Variants in EPB41 observed in about 807,000 individuals in gnomAD.
The protein encoded by EPB41 is erythrocyte membrane protein band 4.1.
EPB41 carries 65 observed loss-of-function variants against 108.0 expected under a neutral mutation model. The observed-to-expected ratio is 0.60, with a 90% CI of 0.49 to 0.74. EPB41 has a LOEUF of 0.74. Ranked by LOEUF, EPB41 falls within the 30% of genes least tolerant of loss-of-function variation. EPB41 has a pLI of 0.00. For synonymous variants in EPB41, 336 were observed against 358.9 expected (o/e 0.94, Z 0.72); for missense variants, 875 against 1,037.0 (o/e 0.84, Z 2.15).
At chr1:28,996,510 A>G (rs1017491483) in intron 3 of EPB41, among the ~76,000 whole-genome samples, 4 of 152,224 alleles carry the variant, frequency 2.6e-5, no homozygotes, top group African/African-American at 9.6e-5. Flanking sequence ...TGGACAGTTG[A>G]TTCAGTAATT....
At chr1:29,069,428 C>A in intron 16 of EPB41, 1 of 1,225,618 alleles carries the variant, frequency 8.2e-7, no homozygotes, top group Non-Finnish European at 1.0e-6. Flanking sequence ...AATGTATAAA[C>A]CTTCATGATG....
In EPB41 at chr1:28,899,920, T is replaced by C. The variant is rs915022383; in HGVS notation, c.-8+12710T>C. ...CAGCTGTGAGACCTCTAGCAAGTTG[T>C]TTTACCTAAGTGAGCTTCAGTTTTT... On this transcript the variant is annotated intron_variant, in intron 1 of 16. Coordinates refer to the EPB41 transcript ENST00000347529. Among the ~76,000 whole-genome samples the C allele has an allele frequency of 2.6e-5, 4 of 152,318 alleles. No individual in the cohort carries two copies. In the East Asian group the frequency reaches 7.7e-4, roughly 29 times the overall value.
intron 1 of EPB41, among the ~76,000 whole-genome samples, chr1:28,952,738 T>G (rs2094784439): frequency 1.3e-5 from 2 of 152,238 alleles, no homozygotes; most frequent in Admixed American, 1.3e-4. Context: ...AAGATAAGTA[T>G]TTCCAGACAA....
At position 29,118,032 on chromosome 1, in the gene EPB41, G is replaced by A. The variant is rs569716; in HGVS notation, c.*1220G>A. ...GGCTTGATTTTGTGGTGGGTTTGGG[G>A]CTTAGTTTTCCTTTTTTTCATTTTG... On this transcript the variant is annotated 3_prime_UTR_variant, in exon 21 of 21. Transcript: ENST00000343067. 16,722 of 152,280 alleles carry A rather than the reference G, an allele frequency of 0.11. 1,146 individuals carry two copies. Among genetic ancestry groups the A allele is most frequent in the African/African-American group, 0.2 (8,434 of 41,498 alleles). 9.4% of individuals were successfully genotyped at this position (152,280 alleles called of 1,614,324 possible). A position where few individuals can be genotyped will look rare whatever the true frequency, so the allele number is the denominator to read the frequency against.
intron 4 of EPB41, among the ~76,000 whole-genome samples, chr1:29,010,086 C>T (rs936841407): frequency 1.3e-4 from 20 of 152,120 alleles, no homozygotes; most frequent in Non-Finnish European, 2.9e-4. Flanking sequence ...CCTGTAATCT[C>T]AGCACTTTGG....
intron 16 of EPB41, among the ~76,000 whole-genome samples, chr1:29,067,515 AAAAAAG>A (rs1218625316): frequency 6.7e-6 from 1 of 148,464 alleles, no homozygotes; most frequent in Non-Finnish European, 1.5e-5. Flanking sequence ...AAAAAAAAAA[AAAAAAG>A]CCAGGCATGG....
At chr1:28,934,772 C>T (rs1240188952) in intron 1 of EPB41, among the ~76,000 whole-genome samples, 8 of 150,988 alleles carry the variant, frequency 5.3e-5, no homozygotes, top group Non-Finnish European at 1.2e-4. Flanking sequence ...ATTTCCTGCC[C>T]GGCTCCTAGA....
At position 28,931,718 on chromosome 1, in the gene EPB41, T is replaced by C. The variant is rs1158091316; in HGVS notation, c.-8+16950T>C. Among the ~76,000 whole-genome samples the C allele has an allele frequency of 2.6e-5, 4 of 151,398 alleles. No homozygotes were observed. In the East Asian group the frequency reaches 5.8e-4, roughly 22 times the overall value. On this transcript the variant is annotated intron_variant, in intron 1 of 20. Coordinates refer to ENST00000343067, the MANE Select transcript of EPB41 (RefSeq NM_001376013.1). ...TGATTTTTTTTTTTTGTATTGTTGGTAGAGACAGGGTTTCACTGTGTTAGC... is the reference window on the plus strand; with the variant it reads ...TGATTTTTTTTTTTTGTATTGTTGGCAGAGACAGGGTTTCACTGTGTTAGC...
In EPB41 at chr1:29,018,708, A is replaced by G. The variant is rs1420848557; in HGVS notation, c.1124+266A>G. Reference sequence around the variant, plus strand: ...ACAGTGGCTGGCTCAGTGCTCAGCAAATGGCAGCTATTATTATTTTTGTTT... The same window carrying G: ...ACAGTGGCTGGCTCAGTGCTCAGCAGATGGCAGCTATTATTATTTTTGTTT... On this transcript the variant is annotated intron_variant, in intron 7 of 20. Coordinates refer to ENST00000343067, the MANE Select transcript of EPB41 (RefSeq NM_001376013.1). This position sits in a 1 kb window ranked among gnomAD's most constrained non-coding sequence, Gnocchi z 4.4. Among the ~76,000 whole-genome samples the G allele has an allele frequency of 6.6e-6, 1 of 152,168 alleles. No individual in the cohort carries two copies. The highest frequency in any genetic ancestry group is 1.5e-5 in the Non-Finnish European group (1 of 68,040).
chr1:28,993,657 C>CA, intron 3 of EPB41, 115 bp downstream of exon 3: 1 of 553,414 alleles, frequency 1.8e-6, no homozygotes, highest in Non-Finnish European at 2.9e-6. Flanking sequence ...TTTCTTTTTT[C>CA]TTTTTTTTTT....
chr1:29,039,597 G>A (rs1175239032), intron 11 of EPB41, among the ~76,000 whole-genome samples, 171 bp downstream of exon 11: 1 of 152,166 alleles, frequency 6.6e-6, no homozygotes, highest in East Asian at 1.9e-4. Context: ...TGGATTGCCT[G>A]AGCTCAGGAG....
At chr1:28,997,707 CAT>C (rs1428768856) in intron 4 of EPB41, among the ~76,000 whole-genome samples, 7 of 151,578 alleles carry the variant, frequency 4.6e-5, no homozygotes, top group South Asian at 2.1e-4. Flanking sequence ...ATTATAATGA[CAT>C]ATCATAATTA....
At chr1:28,943,662 A>C (rs911371054) in intron 1 of EPB41, among the ~76,000 whole-genome samples, 2 of 152,012 alleles carry the variant, frequency 1.3e-5, no homozygotes, top group African/African-American at 2.4e-5. Context: ...AAAAAAAAAA[A>C]CAAAACAAAC....
upstream of EPB41, among the ~76,000 whole-genome samples, chr1:28,909,786 G>T (rs546144851): frequency 2.6e-5 from 4 of 151,676 alleles, no homozygotes; most frequent in Non-Finnish European, 5.9e-5. Flanking sequence ...GACAGAGTGA[G>T]ATCTTGTCTC....
chr1:29,014,964 A>G (rs2096559035), intron 5 of EPB41, among the ~76,000 whole-genome samples: 1 of 149,218 alleles, frequency 6.7e-6, no homozygotes, highest in Non-Finnish European at 1.5e-5. Context: ...TGGGCAACAT[A>G]GGGAGACCCC....
At chr1:29,082,389 G>T (rs1353220081) in intron 16 of EPB41, among the ~76,000 whole-genome samples, 1 of 152,186 alleles carries the variant, frequency 6.6e-6, no homozygotes, top group Non-Finnish European at 1.5e-5. Flanking sequence ...CTCCCAAAGT[G>T]CTGGGATTAC....
intron 16 of EPB41, among the ~76,000 whole-genome samples, chr1:29,079,236 A>G (rs1327822758): frequency 6.6e-6 from 1 of 151,916 alleles, no homozygotes; most frequent in African/African-American, 2.4e-5. Context: ...ATCTCAGGTG[A>G]TCTGCCCGCC....
At chr1:29,051,274 T>G (rs570313292) in intron 11 of EPB41, among the ~76,000 whole-genome samples, 8 of 151,516 alleles carry the variant, frequency 5.3e-5, no homozygotes, top group South Asian at 2.1e-4. Context: ...AATTTTTGTA[T>G]TTTTAGTAGA....
chr1:28,895,045 G>C (rs568627096), intron 1 of EPB41, among the ~76,000 whole-genome samples: 1 of 152,280 alleles, frequency 6.6e-6, no homozygotes, highest in South Asian at 2.1e-4. Context: ...GTGTGACTTG[G>C]TTCTGTAACC....
Sources: gnomAD v4.1 joint callset for allele counts (sites outside exome capture counted in the v4.1 genomes callset) on GRCh38, gnomAD v4.1.1 for gene constraint, Gnocchi (gnomAD v3.1) non-coding constraint, MANE v1.5 for transcripts, NCBI Gene and HGNC (gene_info 2026-07-23, HGNC 2026-07-21) for gene names.